The following PI4KA variants were observed in gnomAD, a reference collection of about 807,000 sequenced individuals.
PI4KA encodes the protein phosphatidylinositol 4-kinase alpha.
A neutral mutation model predicts 271.4 loss-of-function variants in PI4KA; 122 were observed. That is an observed-to-expected ratio of 0.45 (90% CI 0.39 to 0.52). PI4KA has a LOEUF of 0.52. PI4KA is among the 20% of genes least tolerant of loss of function. PI4KA has a pLI of 0.00. For missense variants in PI4KA, 1,969 were observed against 2,769.1 expected (o/e 0.71, Z 6.48); for synonymous variants, 1,041 against 1,078.8 (o/e 0.96, Z 0.69).
intron 19 of PI4KA, among the ~76,000 whole-genome samples, chr22:20,789,440 C>T (rs1934489934): frequency 6.6e-6 from 1 of 152,216 alleles, no homozygotes; most frequent in Non-Finnish European, 1.5e-5. Flanking sequence ...AGCAATTCTC[C>T]TGCCTAAGCC....
chr22:20,743,563 C>T (rs1929711035), intron 30 of PI4KA, among the ~76,000 whole-genome samples: 1 of 152,186 alleles, frequency 6.6e-6, no homozygotes, highest in South Asian at 2.1e-4. Context: ...TCAGGTGATC[C>T]TCCTGTCTCA....
intron 22 of PI4KA, among the ~76,000 whole-genome samples, chr22:20,762,815 A>G (rs913360425): frequency 2.0e-5 from 3 of 152,012 alleles, no homozygotes; most frequent in Non-Finnish European, 4.4e-5. Flanking sequence ...TTCTCTCTCT[A>G]CTTATTTTGC....
chr22:20,730,918 T>C (rs1306027433), intron 36 of PI4KA, among the ~76,000 whole-genome samples: 2 of 151,928 alleles, frequency 1.3e-5, no homozygotes, highest in Non-Finnish European at 2.9e-5. Context: ...GGCTCATGCC[T>C]GTAATCCCAG....
At chr22:20,811,122 C>A in intron 8 of PI4KA, 90 bp from the exon 9 acceptor site, 4 of 941,540 alleles carry the variant, frequency 4.2e-6, no homozygotes, top group Middle Eastern at 2.1e-4. Context: ...GACAAACTCA[C>A]ATGGTGAAAA....
In PI4KA at chr22:20,804,998, C is replaced by T. The variant is rs987195758; in HGVS notation, c.1336G>A (p.Val446Met). ...QANAACVDLM[V>M]WAVKDEQGAE... The stretch of plus-strand genomic sequence containing the variant: ...CCCTGCTCGTCCTTCACAGCCCACA[C>T]CATGAGGTCCACACAGGCAGCATTC... Residue 446 changes from valine (V) to methionine (M), a missense_variant, in exon 11 of 55, where the codon GTG becomes ATG. Transcript: ENST00000255882. The T allele has an allele frequency of 1.9e-6, 3 of 1,613,730 alleles. No homozygotes were observed. In the Admixed American group the frequency reaches 5.0e-5, roughly 27 times the overall value.
chr22:20,726,390 C>CT (rs1383345107), intron 42 of PI4KA, 98 bp downstream of exon 42: 4 of 1,095,926 alleles, frequency 3.6e-6, no homozygotes, highest in Non-Finnish European at 5.0e-6. Flanking sequence ...CCTGAGGAGG[C>CT]TCTGAGGAGC....
At chr22:20,756,282 G>A (rs1415660825) in intron 23 of PI4KA, among the ~76,000 whole-genome samples, 3 of 151,480 alleles carry the variant, frequency 2.0e-5, no homozygotes, top group Non-Finnish European at 4.4e-5. Flanking sequence ...TGCGATCTCA[G>A]CTCACTGCAA....
chr22:20,772,056 T>C (rs178028), intron 19 of PI4KA, among the ~76,000 whole-genome samples: 69,589 of 152,122 alleles, frequency 0.46, 16,524 homozygotes, highest in African/African-American at 0.57. Flanking sequence ...GGCACCACTC[T>C]ATGTGCTTTC....
intron 24 of PI4KA, 30 bp from the exon 25 acceptor site, chr22:20,753,057 G>C (rs199954300): frequency 6.2e-7 from 1 of 1,614,208 alleles, no homozygotes; most frequent in East Asian, 2.2e-5. Context: ...AGGTACCGCA[G>C]TGCCCCAGAT....
chr22:20,757,958 C>T (rs767089595), intron 23 of PI4KA, among the ~76,000 whole-genome samples: 2 of 152,116 alleles, frequency 1.3e-5, no homozygotes, highest in African/African-American at 2.4e-5. Context: ...CTCCTAGAAC[C>T]AAAGAATCGC....
intron 22 of PI4KA, among the ~76,000 whole-genome samples, chr22:20,762,773 G>A (rs1041203258): frequency 6.6e-6 from 1 of 152,164 alleles, no homozygotes; most frequent in Non-Finnish European, 1.5e-5. Context: ...ATACTAACAG[G>A]CTATAGGGGA....
intron 1 of PI4KA, 51 bp downstream of exon 1, chr22:20,858,519 T>C (rs142689432): frequency 3.2e-6 from 4 of 1,251,088 alleles, no homozygotes; most frequent in Non-Finnish European, 4.1e-6. Context: ...CCACGCTTCG[T>C]CACCCCAGCC....
chr22:20,741,994 C>T (rs1929514333), intron 32 of PI4KA, among the ~76,000 whole-genome samples: 1 of 152,186 alleles, frequency 6.6e-6, no homozygotes, highest in African/African-American at 2.4e-5. Context: ...AATGGCTCCC[C>T]CTACCGAGGT....
At chr22:20,789,191 T>G (rs911074278) in intron 19 of PI4KA, among the ~76,000 whole-genome samples, 4 of 152,194 alleles carry the variant, frequency 2.6e-5, no homozygotes, top group African/African-American at 9.7e-5. Context: ...CTAGTAGCTA[T>G]GAAACTCTAG....
In PI4KA at chr22:20,836,079, CAAAACAAAAA is replaced by C. The variant is rs1229763028; in HGVS notation, c.274-1434_274-1425del. On this transcript the variant is annotated intron_variant, in intron 2 of 54. Coordinates refer to ENST00000255882, the MANE Select transcript of PI4KA (RefSeq NM_058004.4). ...AAAAACAAAACAAAACAAAACAAAACAAAACAAAAAACAACAAAAAAACATGGCAGAAGGC... is the reference window on the plus strand; with the variant it reads ...AAAAACAAAACAAAACAAAACAAAACACAACAAAAAAACATGGCAGAAGGC... Among the ~76,000 whole-genome samples, 7 of 151,528 alleles carry C rather than the reference CAAAACAAAAA, an allele frequency of 4.6e-5. No individual in the cohort carries two copies. The East Asian group carries it at 7.8e-4, about 17-fold the overall frequency.
rs372016598 is a variant in PI4KA, at chr22:20,827,148, G to A, written c.368-2734C>T. ...TTTGCCAGGGTCTATGTCCAGAGTG[G>A]TATTTCCTAGTATCTTCCAGGGTGT... On this transcript the variant is annotated intron_variant, in intron 3 of 54. Coordinates refer to ENST00000255882, the MANE Select transcript of PI4KA (RefSeq NM_058004.4). 9.2e-5 allele frequency among the ~76,000 whole-genome samples: 14 copies of A among 152,254 alleles called. No homozygotes were observed. The South Asian group carries it at 2.9e-3, about 32-fold the overall frequency.
At chr22:20,730,170 G>A (rs1927847447) in intron 36 of PI4KA, among the ~76,000 whole-genome samples, 159 bp from the exon 37 acceptor site, 1 of 152,120 alleles carries the variant, frequency 6.6e-6, no homozygotes, top group Non-Finnish European at 1.5e-5. Context: ...TCTGGATGGT[G>A]GGTTTTCCAA....
chr22:20,807,824 A>G (rs1935754901), intron 9 of PI4KA, among the ~76,000 whole-genome samples: 1 of 152,180 alleles, frequency 6.6e-6, no homozygotes, highest in Non-Finnish European at 1.5e-5. Flanking sequence ...AGGGATCCAC[A>G]CTGTCCATCA....
chr22:20,757,151 T>C (rs1179839966), intron 23 of PI4KA, among the ~76,000 whole-genome samples: 1 of 152,206 alleles, frequency 6.6e-6, no homozygotes, highest in African/African-American at 2.4e-5. Flanking sequence ...ATATTTCATA[T>C]ACCCTCTCCT....
Sources: gnomAD v4.1 joint callset for allele counts (sites outside exome capture counted in the v4.1 genomes callset) on GRCh38, gnomAD v4.1.1 for gene constraint, MANE v1.5 for transcripts, NCBI Gene and HGNC (gene_info 2026-07-23, HGNC 2026-07-21) for gene names.